MAP6D1: variants seen among roughly 807,000 people sequenced by gnomAD.
MAP6D1 encodes MAP6 domain containing 1, also known as MAP6 domain-containing protein 1.
In MAP6D1, 13 loss-of-function variants were observed where a neutral mutation model predicts 17.4. That is an observed-to-expected ratio of 0.75 (90% confidence interval 0.49 to 1.19). The LOEUF is 1.19. Among genes scored for constraint, MAP6D1 ranks in the 50% most tolerant of loss-of-function variants. MAP6D1 has a pLI of 0.00. For synonymous variants in MAP6D1, 141 were observed against 145.7 expected (o/e 0.97, Z 0.23); for missense variants, 313 against 312.6 (o/e 1.00, Z -0.01).
intron 1 of MAP6D1, among the ~76,000 whole-genome samples, chr3:183,824,939 G>T (rs2251248): frequency 0.53 from 80,041 of 151,778 alleles, 21,247 homozygotes; most frequent in Middle Eastern, 0.6. Flanking sequence ...CGAGCACTGA[G>T]TCCGGGCATG....
chr3:183,817,947 A>C, intron 2 of MAP6D1, 47 bp downstream of exon 2: 39 of 1,388,366 alleles, frequency 2.8e-5, no homozygotes, highest in Non-Finnish European at 3.9e-5. Flanking sequence ...TACCCGGGGA[A>C]AGAGGCCTCT....
Position 183,817,237 on chromosome 3 carries a change from G to C in MAP6D1, c.*119C>G, listed in dbSNP as rs373426104. On this transcript the variant is annotated 3_prime_UTR_variant, in exon 3 of 3. Coordinates refer to ENST00000318631, the MANE Select transcript of MAP6D1 (RefSeq NM_024871.4). ...TTTGGCCCTGGTGACAGCTTTGAGA[G>C]GGGCTGTGCCCTCCCGCAGGGGCCC... is the stretch of plus-strand genomic sequence containing the variant. The C allele has an allele frequency of 1.0e-6, 1 of 1,001,478 alleles. No homozygotes were observed. Among genetic ancestry groups the C allele is most frequent in the Non-Finnish European group, 1.5e-6 (1 of 661,364 alleles). The allele number at this position is 1,001,478 out of a possible 1,614,324, so 62.0% of individuals were successfully genotyped here.
chr3:183,821,481 G>A (rs1727254553), intron 1 of MAP6D1, among the ~76,000 whole-genome samples: 1 of 151,346 alleles, frequency 6.6e-6, no homozygotes, highest in Non-Finnish European at 1.5e-5. Flanking sequence ...ACCGTCACCA[G>A]AGCTGGGAGG....
chr3:183,823,532 C>T (rs1209062952), intron 1 of MAP6D1, among the ~76,000 whole-genome samples: 1 of 152,068 alleles, frequency 6.6e-6, no homozygotes, highest in African/African-American at 2.4e-5. Flanking sequence ...ACCTAGGAGG[C>T]GGAGGTTACA....
intron 1 of MAP6D1, among the ~76,000 whole-genome samples, chr3:183,823,460 G>A (rs1727305318): frequency 6.6e-6 from 1 of 152,134 alleles, no homozygotes; most frequent in Non-Finnish European, 1.5e-5. Flanking sequence ...AATTAGCTGG[G>A]CGTGATGGCA....
intron 1 of MAP6D1, among the ~76,000 whole-genome samples, chr3:183,822,427 G>GCAA (rs995476720): frequency 4.7e-4 from 72 of 152,002 alleles, no homozygotes; most frequent in African/African-American, 1.7e-3. Context: ...GGCAACAGCA[G>GCAA]CAACAACAAC....
At chr3:183,823,622 TA>T (rs1486199723) in intron 1 of MAP6D1, among the ~76,000 whole-genome samples, 2 of 149,950 alleles carry the variant, frequency 1.3e-5, no homozygotes, top group Non-Finnish European at 3.0e-5. Context: ...AAATCAAAAA[TA>T]AAAATAAAAA....
chr3:183,820,723 C>A (rs1449137414), intron 1 of MAP6D1, among the ~76,000 whole-genome samples: 1 of 140,706 alleles, frequency 7.1e-6, no homozygotes, highest in African/African-American at 2.6e-5. Context: ...CACGGTGAAA[C>A]CCCGTCTCTA....
intron 1 of MAP6D1, among the ~76,000 whole-genome samples, chr3:183,818,999 G>T (rs1396788849): frequency 6.6e-6 from 1 of 152,262 alleles, no homozygotes. Context: ...TGCAAGATGG[G>T]GAGCTCAGAA....
chr3:183,825,126 C>T (rs933789358), intron 1 of MAP6D1, 21 bp downstream of exon 1: 1 of 1,374,278 alleles, frequency 7.3e-7, no homozygotes, highest in Non-Finnish European at 9.5e-7. Flanking sequence ...GGACTCGTTG[C>T]GGTCCCTACC....
Position 183,821,555 on chromosome 3 carries a change from T to C in MAP6D1, c.402-3444A>G, listed in dbSNP as rs542408653. 8.8e-3 allele frequency among the ~76,000 whole-genome samples: 1,314 copies of C among 148,624 alleles called. 16 individuals carry two copies. The highest frequency in any genetic ancestry group is 0.042 in the Middle Eastern group (12 of 288). ...ATGAGGGATTGCTTTTTTTTTTTTTTTTTTTTTTGAGATGGAGTCTCGCTC... is the reference window on the plus strand; with the variant it reads ...ATGAGGGATTGCTTTTTTTTTTTTTCTTTTTTTTGAGATGGAGTCTCGCTC... On this transcript the variant is annotated intron_variant, in intron 1 of 2. Coordinates refer to ENST00000318631, the MANE Select transcript of MAP6D1 (RefSeq NM_024871.4).
At chr3:183,818,430 C>A (rs1727170679) in intron 1 of MAP6D1, among the ~76,000 whole-genome samples, 1 of 152,198 alleles carries the variant, frequency 6.6e-6, no homozygotes, top group Non-Finnish European at 1.5e-5. Flanking sequence ...AGGGTCAGGG[C>A]AGAGCTCAGT....
At chr3:183,820,243 C>T (rs749959990) in intron 1 of MAP6D1, 2 of 152,248 alleles carry the variant, frequency 1.3e-5, no homozygotes, top group African/African-American at 2.4e-5. Context: ...CCTTGGCTTT[C>T]TGAATTTCTT....
chr3:183,825,255 C>T lies in MAP6D1; in HGVS notation c.293G>A (p.Gly98Asp), dbSNP rs528962937. ...CGCGGAGGACTGCGCGGAGGATTTG[C>T]CCCTGCGGCCGCCCGCCCCCGGTCC... ...GRGPGAGGRR[G>D]KSSAQSSAPP... The change falls in exon 1 of 3, where the codon GGC becomes GAC. Residue 98 changes from glycine to aspartate, a missense_variant. By Grantham distance (94) the Gly-to-Asp change is moderately conservative (BLOSUM62 -1). Transcript: ENST00000318631. 7.4e-7 allele frequency: 1 copy of T among 1,352,232 alleles called. No individual in the cohort carries two copies. The highest frequency in any genetic ancestry group is 9.5e-7 in the Non-Finnish European group (1 of 1,054,068). 83.8% of individuals were successfully genotyped at this position (1,352,232 alleles called of 1,614,324 possible).
In MAP6D1 at chr3:183,825,572, G is replaced by A. The variant is rs1432833426; in HGVS notation, c.-25C>T. The A allele has an allele frequency of 2.5e-6, 3 of 1,182,288 alleles. No individual in the cohort carries two copies. Among genetic ancestry groups the A allele is most frequent in the African/African-American group, 3.2e-5 (2 of 61,964 alleles). The allele number at this position is 1,182,288 out of a possible 1,614,324, so 73.2% of individuals were successfully genotyped here. ...TGCCAGCCCCGGCGCCCGCCGCCCC[G>A]CTCCCGGCGCGCGGCGCTCCCGGCC... On this transcript the variant is annotated 5_prime_UTR_variant, in exon 1 of 3. Coordinates refer to ENST00000318631, the MANE Select transcript of MAP6D1 (RefSeq NM_024871.4).
At chr3:183,822,186 C>T (rs1257469195) in intron 1 of MAP6D1, among the ~76,000 whole-genome samples, 2 of 150,550 alleles carry the variant, frequency 1.3e-5, no homozygotes, top group African/African-American at 2.4e-5. Flanking sequence ...GCAGGAGGAT[C>T]GCTTGAGCCC....
chr3:183,817,070 A>G lies in MAP6D1; in HGVS notation c.*286T>C, dbSNP rs751342936. On this transcript the variant is annotated 3_prime_UTR_variant, in exon 3 of 3. Transcript: ENST00000318631. ...TCGGTTCCCAACTGACTTGATCCTC[A>G]GGCTCCTCAGAGATTTCAAAACTGA... The G allele has an allele frequency of 3.5e-5, 15 of 433,464 alleles. No individual in the cohort carries two copies. Among genetic ancestry groups the G allele is most frequent in the South Asian group, 6.8e-5 (3 of 44,168 alleles). 26.9% of individuals were successfully genotyped at this position (433,464 alleles called of 1,614,324 possible).
At chr3:183,820,629 G>A (rs1727223358) in intron 1 of MAP6D1, among the ~76,000 whole-genome samples, 1 of 151,806 alleles carries the variant, frequency 6.6e-6, no homozygotes, top group South Asian at 2.1e-4. Flanking sequence ...GCCAGGCACA[G>A]TGGCTCATGC....
At position 183,816,586 on chromosome 3, in the gene MAP6D1, C is replaced by T. The variant is rs2108560755; in HGVS notation, c.*770G>A. ...CAGGGAATGAGACAAATGCCACCTT[C>T]CCAAAAACAGTTCCAGTTCTCAGCC... On this transcript the variant is annotated 3_prime_UTR_variant, in exon 3 of 3. Coordinates refer to ENST00000318631, the MANE Select transcript of MAP6D1 (RefSeq NM_024871.4). 1 of 152,354 alleles carries T rather than the reference C, an allele frequency of 6.6e-6. No homozygotes were observed. Among genetic ancestry groups the T allele is most frequent in the Non-Finnish European group, 1.5e-5 (1 of 68,120 alleles). 9.4% of individuals were successfully genotyped at this position (152,354 alleles called of 1,614,324 possible).
Sources: allele counts gnomAD v4.1 joint callset (sites outside exome capture counted in the v4.1 genomes callset), GRCh38; gene constraint gnomAD v4.1.1; transcripts MANE v1.5; gene names NCBI Gene and HGNC (gene_info 2026-07-23, HGNC 2026-07-21).